The following F7 variants were observed in gnomAD, a reference collection of about 807,000 sequenced individuals.
F7 encodes the protein FVII coagulation protein.
Under a neutral mutation model 47.5 loss-of-function variants are expected in F7, and 38 were observed. The observed-to-expected ratio is 0.80, with a 90% CI of 0.62 to 1.05. The LOEUF is 1.05. Among genes scored for constraint, F7 ranks in the 50% least tolerant of loss-of-function variants. The pLI is 0.00. For missense variants in F7, 575 were observed against 605.4 expected, an observed-to-expected ratio of 0.95 and a Z score of 0.53; for synonymous variants, 244 against 258.5, an observed-to-expected ratio of 0.94 and a Z score of 0.54.
chr13:113,106,269 G>C (rs561465745), intron 1 of F7, among the ~76,000 whole-genome samples: 1 of 126,436 alleles, frequency 7.9e-6, no homozygotes. Context: ...GCACAGGTAG[G>C]GGACGGTGCG....
intron 2 of F7, among the ~76,000 whole-genome samples, chr13:113,112,260 G>T (rs1316941298): frequency 3.7e-5 from 5 of 134,046 alleles, no homozygotes; most frequent in Admixed American, 3.1e-4. Flanking sequence ...ACACTCATAG[G>T]TCACCTCAGT....
chr13:113,113,983 A>C lies in F7; in HGVS notation c.364+23A>C, dbSNP rs775380924. The C allele has an allele frequency of 2.2e-5, 35 of 1,613,108 alleles. No homozygotes were observed. In the South Asian group the frequency reaches 3.7e-4, roughly 17 times the overall value. ...CGCGTAAGGCCCCACTTTGGGTCCC[A>C]TATTTGCAGAGGGCCCTGGGGAGCT... On this transcript the variant is annotated intron_variant, in intron 4 of 7. Coordinates refer to ENST00000346342, the MANE Select transcript of F7 (RefSeq NM_019616.4). This position sits in a 1 kb window ranked among gnomAD's most constrained non-coding sequence, Gnocchi z 4.1.
In F7 at chr13:113,118,842, A is replaced by G; in HGVS notation, c.1169A>G (p.Tyr390Cys). 1 of 1,612,824 alleles carries G rather than the reference A, an allele frequency of 6.2e-7. No individual in the cohort carries two copies. The highest frequency in any genetic ancestry group is 8.5e-7 in the Non-Finnish European group (1 of 1,179,972). ...AGTGGAGGCCCACATGCCACCCACT[A>G]CCGGGGCACGTGGTACCTGACGGGC... ...GDSGGPHATH[Y>C]RGTWYLTGIV... Residue 390 changes from tyrosine (Y) to cysteine (C), a missense_variant, in exon 8 of 8, where the codon TAC (tyrosine) becomes TGC (cysteine). Tyr to Cys is a radical substitution (Grantham distance 194). Transcript: ENST00000346342.
intron 1 of F7, among the ~76,000 whole-genome samples, chr13:113,109,697 G>T (rs970804543): frequency 6.6e-6 from 1 of 152,012 alleles, no homozygotes; most frequent in African/African-American, 2.4e-5. Flanking sequence ...AGCCCCGCTC[G>T]CCTCCTCCCG....
In F7 at chr13:113,105,902, G is replaced by A. The variant is rs1237989279; in HGVS notation, c.61G>A (p.Ala21Thr). 1 of 1,587,370 alleles carries A rather than the reference G, an allele frequency of 6.3e-7. No individual in the cohort carries two copies. Among genetic ancestry groups the A allele is most frequent in the Non-Finnish European group, 8.6e-7 (1 of 1,167,290 alleles). Residue 21 changes from alanine to threonine, a missense_variant, in exon 1 of 8, where the codon GCA becomes ACA. Transcript: ENST00000346342. The stretch of plus-strand genomic sequence containing the variant: ...GCTTGGGCTTCAGGGCTGCCTGGCT[G>A]CAGGTGCGTCCGGGGAGGTTTTCTC... Reference protein sequence around the residue: ...LLLGLQGCLAAVFVTQEEAHG... With the variant: ...LLLGLQGCLATVFVTQEEAHG...
chr13:113,116,875 G>A lies in F7; in HGVS notation c.615G>A (p.Gln205=). ...GCCCCAAAGGGGAGTGTCCATGGCA[G>A]GTAAGGCTTCCCCTGGCTTCAGGAT... ...KVCPKGECPW[Q]VLLLVNGAQL... is the part of the protein sequence containing the mutation. The change falls in exon 6 of 8, where the codon CAG becomes CAA. Residue 205 remains glutamine, a splice_region_variant and synonymous_variant. Transcript: ENST00000346342. 1 of 1,610,878 alleles carries A rather than the reference G, an allele frequency of 6.2e-7. No homozygotes were observed. The highest frequency in any genetic ancestry group is 1.1e-5 in the South Asian group (1 of 91,038).
chr13:113,115,601 G>T lies in F7; in HGVS notation c.365-59G>T, dbSNP rs1217354925. 7.6e-6 allele frequency: 12 copies of T among 1,586,172 alleles called. 1 individual carries two copies. In the South Asian group the frequency reaches 1.4e-4, roughly 18 times the overall value. Reference sequence around the variant, plus strand: ...CTGACCCAGGGCATGGCCACCCCGGGGGCTGGCTCTCGCTGACCCCCAGAA... The same window carrying T: ...CTGACCCAGGGCATGGCCACCCCGGTGGCTGGCTCTCGCTGACCCCCAGAA... On this transcript the variant is annotated intron_variant, in intron 4 of 7. Transcript: ENST00000346342.
At chr13:113,111,107 T>A (rs1459412522) in intron 2 of F7, among the ~76,000 whole-genome samples, 3 of 152,128 alleles carry the variant, frequency 2.0e-5, no homozygotes, top group Non-Finnish European at 4.4e-5. Flanking sequence ...GAAAATACGA[T>A]TTGCAAAGCA....
intron 2 of F7, 21 bp downstream of exon 2, chr13:113,110,871 C>A: frequency 6.4e-7 from 1 of 1,551,112 alleles, no homozygotes; most frequent in Non-Finnish European, 8.7e-7. Flanking sequence ...CCTCGGGGCG[C>A]CCCGCGCCGC....
At chr13:113,105,973 G>C (rs570145715) in intron 1 of F7, 68 bp downstream of exon 1, 86 of 1,446,364 alleles carry the variant, frequency 5.9e-5, no homozygotes, top group South Asian at 4.0e-4. Context: ...GAGCCAGCCC[G>C]GGCTTCCCAA....
rs149716932 is a variant in F7, at chr13:113,119,459, GCA to G, written c.*463_*464del. On this transcript the variant is annotated 3_prime_UTR_variant, in exon 8 of 8. Transcript: ENST00000346342. ...AGTAGAGGCATGAACACACATGGAT[GCA>G]CACACACACACGCCAATGCACACAC... 8.8e-4 allele frequency: 193 copies of G among 219,188 alleles called. No homozygotes were observed. Among genetic ancestry groups the G allele is most frequent in the Middle Eastern group, 3.4e-3 (2 of 582 alleles). The allele number at this position is 219,188 out of a possible 1,614,324, so 13.6% of individuals were successfully genotyped here.
At chr13:113,106,996 C>A in intron 1 of F7, 1 of 1,459,616 alleles carries the variant, frequency 6.9e-7, no homozygotes, top group Non-Finnish European at 9.4e-7. Context: ...AAGAGCCAGC[C>A]CGCGGGGTGG....
Position 113,113,083 on chromosome 13 carries a change from C to T in F7, c.226-669C>T, listed in dbSNP as rs2036134707. ...CTCACAGGTCGCCACACCTCACACT[C>T]ACAGGATGCCTCACACTCACAGAAC... On this transcript the variant is annotated intron_variant, in intron 2 of 7. Coordinates refer to ENST00000346342, the MANE Select transcript of F7 (RefSeq NM_019616.4). The surrounding 1 kb of genome is among the most constrained non-coding windows in gnomAD (Gnocchi z 4.1). 6.6e-6 allele frequency among the ~76,000 whole-genome samples: 1 copy of T among 151,978 alleles called. No homozygotes were observed.
intron 4 of F7, 120 bp from the exon 5 acceptor site, chr13:113,115,540 A>T: frequency 1.8e-6 from 2 of 1,131,042 alleles, no homozygotes; most frequent in Non-Finnish European, 2.6e-6. Context: ...TCTGTCACCC[A>T]CAGCTCAGTG....
intron 2 of F7, among the ~76,000 whole-genome samples, chr13:113,112,800 C>A (rs2036128051): frequency 6.6e-6 from 1 of 150,720 alleles, no homozygotes; most frequent in Non-Finnish European, 1.5e-5. Context: ...AACTCACACT[C>A]ACAGGTCACC....
intron 4 of F7, 135 bp from the exon 5 acceptor site, chr13:113,115,525 C>T (rs1349778843): frequency 2.1e-6 from 2 of 951,956 alleles, no homozygotes; most frequent in Non-Finnish European, 1.6e-6. Context: ...GTGCCAAGCT[C>T]AGGCTCTGTC....
chr13:113,116,256 C>T (rs1314229153), intron 5 of F7, among the ~76,000 whole-genome samples: 1 of 152,224 alleles, frequency 6.6e-6, no homozygotes, highest in African/African-American at 2.4e-5. Context: ...GGACACCCCA[C>T]ACCCACTGTG....
At position 113,110,920 on chromosome 13, in the gene F7, C is replaced by CG. The variant is rs1195101963; in HGVS notation, c.225+71dup. On this transcript the variant is annotated intron_variant, in intron 2 of 7. Transcript: ENST00000346342. ...GGCGGTGAACCAGGCCGCGTGGGGC[C>CG]GCCTGCGTCTCTTTGGCTGCGGCTG... is the stretch of plus-strand genomic sequence containing the variant. 3.3e-6 allele frequency: 5 copies of CG among 1,509,092 alleles called. No homozygotes were observed. In the African/African-American group the frequency reaches 5.7e-5, roughly 17 times the overall value. The allele number at this position is 1,509,092 out of a possible 1,614,324, so 93.5% of individuals were successfully genotyped here.
chr13:113,110,769 G>C lies in F7; in HGVS notation c.144G>C (p.Pro48=), dbSNP rs781653465. The C allele has an allele frequency of 9.0e-6, 14 of 1,550,156 alleles. No individual in the cohort carries two copies. The highest frequency in any genetic ancestry group is 1.0e-5 in the Non-Finnish European group (12 of 1,147,196). ...RANAFLEELR[P]GSLERECKEE... is the part of the protein sequence containing the mutation. ...ACGCGTTCCTGGAGGAGCTGCGGCCGGGCTCCCTGGAGAGGGAGTGCAAGG... is the reference window on the plus strand; with the variant it reads ...ACGCGTTCCTGGAGGAGCTGCGGCCCGGCTCCCTGGAGAGGGAGTGCAAGG... Residue 48 remains proline (P), a synonymous_variant, in exon 2 of 8, where the codon CCG becomes CCC. Coordinates refer to ENST00000346342, the MANE Select transcript of F7 (RefSeq NM_019616.4).
Sources: allele counts gnomAD v4.1 joint callset (sites outside exome capture counted in the v4.1 genomes callset), GRCh38; gene constraint gnomAD v4.1.1; non-coding constraint Gnocchi (gnomAD v3.1); transcripts MANE v1.5; gene names NCBI Gene and HGNC (gene_info 2026-07-23, HGNC 2026-07-21).